NCAPG2: variants seen among roughly 807,000 people sequenced by gnomAD.
The protein encoded by NCAPG2 is condensin-2 complex subunit G2.
In NCAPG2, 53 loss-of-function variants were observed where a neutral mutation model predicts 141.1. That is an observed-to-expected ratio of 0.38 (90% confidence interval 0.30 to 0.47). The LOEUF (loss-of-function observed/expected upper bound fraction) is 0.47. NCAPG2 is among the 20% of genes least tolerant of loss of function. The pLI is 0.99. For missense variants in NCAPG2, 1,087 were observed against 1,389.0 expected (o/e 0.78, Z 3.46); for synonymous variants, 499 against 490.7 (o/e 1.02, Z -0.22).
chr7:158,635,292 A>G lies in NCAPG2; in HGVS notation c.3381-3575T>C, dbSNP rs114746691. ...AAAAAGACTGTTAAAATTAAAGCAG[A>G]ATAAAATGAATTGATATTCATTTAT... On this transcript the variant is annotated intron_variant, in intron 27 of 27. Transcript: ENST00000356309. Among the ~76,000 whole-genome samples, 915 of 152,360 alleles carry G rather than the reference A, an allele frequency of 6.0e-3. 9 individuals carry two copies. Among genetic ancestry groups the G allele is most frequent in the African/African-American group, 0.016 (676 of 41,592 alleles).
At chr7:158,687,254 TA>T in intron 7 of NCAPG2, 93 bp downstream of exon 7, 1 of 766,488 alleles carries the variant, frequency 1.3e-6, no homozygotes, top group Non-Finnish European at 2.1e-6. Context: ...CTAAAGCTTC[TA>T]ATCCATTACT....
At position 158,631,505 on chromosome 7, in the gene NCAPG2, T is replaced by C. The variant is rs1829890948; in HGVS notation, c.*161A>G. The C allele has an allele frequency of 4.2e-6, 3 of 722,064 alleles. No homozygotes were observed. The highest frequency in any genetic ancestry group is 7.2e-6 in the Non-Finnish European group (3 of 414,016). The allele number at this position is 722,064 out of a possible 1,614,324, so 44.7% of individuals were successfully genotyped here. ...TAGGCAAAATTGAAGAAGTTTTGAG[T>C]TATCTCCTCCATAACCCCCACCTTC... On this transcript the variant is annotated 3_prime_UTR_variant, in exon 28 of 28. Transcript: ENST00000356309.
At chr7:158,663,444 T>G (rs943755297) in intron 15 of NCAPG2, among the ~76,000 whole-genome samples, 2 of 152,244 alleles carry the variant, frequency 1.3e-5, no homozygotes, top group African/African-American at 4.8e-5. Context: ...ACTGAGGGGC[T>G]GGGCTGGTGG....
In NCAPG2 at chr7:158,633,214, C is replaced by T. The variant is rs955618959; in HGVS notation, c.3381-1497G>A. Among the ~76,000 whole-genome samples the T allele has an allele frequency of 5.9e-5, 9 of 152,176 alleles. No homozygotes were observed. The highest frequency in any genetic ancestry group is 1.3e-4 in the Non-Finnish European group (9 of 68,024). ...CTCGGGCCTTTTCCCCCAAGTCTAT[C>T]CCCACCCTCGTGACCTCTCCTCGTG... On this transcript the variant is annotated intron_variant, in intron 27 of 27. Coordinates refer to ENST00000356309, the MANE Select transcript of NCAPG2 (RefSeq NM_017760.7). The surrounding 1 kb of genome is among the most constrained non-coding windows in gnomAD (Gnocchi z 4.1).
chr7:158,676,427 CTTAG>C (rs1332586459), intron 11 of NCAPG2, among the ~76,000 whole-genome samples: 5 of 152,124 alleles, frequency 3.3e-5, no homozygotes, highest in Non-Finnish European at 5.9e-5. Context: ...GCACATGGGC[CTTAG>C]TTAGAGAAAC....
rs1320879841 is a variant in NCAPG2, at chr7:158,653,390, T to A, written c.2747-910A>T. ...AAAAAAAAAAAAATAAAAAAAAAAA[T>A]AATAATAATAATTAAACAAAAAAGC... On this transcript the variant is annotated intron_variant, in intron 22 of 27. Transcript: ENST00000356309. Among the ~76,000 whole-genome samples the A allele has an allele frequency of 5.8e-3, 860 of 147,372 alleles. 10 individuals are homozygous for A. The highest frequency in any genetic ancestry group is 0.015 in the African/African-American group (617 of 39,906).
At chr7:158,670,282 T>C (rs1273407560) in intron 13 of NCAPG2, among the ~76,000 whole-genome samples, 2 of 152,142 alleles carry the variant, frequency 1.3e-5, no homozygotes, top group South Asian at 2.1e-4. Context: ...ATCCCCATCA[T>C]TGGCTGGGCA....
chr7:158,701,737 T>C lies in NCAPG2; in HGVS notation c.78+85A>G. ...CGCTAAGGATTCACTGAGATAACTA[T>C]GTTTCTTTTGGGGACATAATGACTT... On this transcript the variant is annotated intron_variant, in intron 2 of 27. Coordinates refer to ENST00000356309, the MANE Select transcript of NCAPG2 (RefSeq NM_017760.7). 6 of 1,221,424 alleles carry C rather than the reference T, an allele frequency of 4.9e-6. No individual in the cohort carries two copies. In the South Asian group the frequency reaches 6.5e-5, roughly 13 times the overall value. The allele number at this position is 1,221,424 out of a possible 1,614,324, so 75.7% of individuals were successfully genotyped here.
intron 4 of NCAPG2, among the ~76,000 whole-genome samples, chr7:158,692,021 T>C (rs1326565952): frequency 6.6e-6 from 1 of 152,180 alleles, no homozygotes; most frequent in Non-Finnish European, 1.5e-5. Flanking sequence ...TTAAACTAAT[T>C]AGGCCAGACA....
chr7:158,677,338 GGGAAGTCCTCCT>G (rs1834121802), intron 11 of NCAPG2, among the ~76,000 whole-genome samples: 2 of 151,882 alleles, frequency 1.3e-5, no homozygotes, highest in East Asian at 3.9e-4. Context: ...CAGAAACTAA[GGGAAGTCCTCCT>G]GCTGTTGCAC....
At chr7:158,661,108 A>T (rs1832466319) in intron 16 of NCAPG2, among the ~76,000 whole-genome samples, 1 of 152,210 alleles carries the variant, frequency 6.6e-6, no homozygotes, top group South Asian at 2.1e-4. Flanking sequence ...AATTTTGGCA[A>T]CTAATACAAT....
At position 158,666,453 on chromosome 7, in the gene NCAPG2, G is replaced by A. The variant is rs527591565; in HGVS notation, c.1480-1703C>T. ...CCAAGTGCCTGAGCCACTATTTACT[G>A]TATTTTTGAAACCACCCCCAGCATA... On this transcript the variant is annotated intron_variant, in intron 13 of 27. Transcript: ENST00000356309. Among the ~76,000 whole-genome samples, 31 of 152,110 alleles carry A rather than the reference G, an allele frequency of 2.0e-4. 2 individuals carry two copies. In the South Asian group the frequency reaches 5.4e-3, roughly 26 times the overall value.
chr7:158,643,665 T>G (rs573107630), intron 27 of NCAPG2, among the ~76,000 whole-genome samples: 1 of 152,380 alleles, frequency 6.6e-6, no homozygotes, highest in South Asian at 2.1e-4. Flanking sequence ...AATTTCCTAG[T>G]GCAGAGCTTT....
At chr7:158,702,659 C>T (rs1563589480) in intron 1 of NCAPG2, among the ~76,000 whole-genome samples, 1 of 152,052 alleles carries the variant, frequency 6.6e-6, no homozygotes, top group Non-Finnish European at 1.5e-5. Context: ...GTAGGAGCCC[C>T]CTCACTTTAA....
At chr7:158,661,999 C>G (rs934034153) in intron 16 of NCAPG2, among the ~76,000 whole-genome samples, 195 bp downstream of exon 16, 5 of 152,000 alleles carry the variant, frequency 3.3e-5, no homozygotes, top group Admixed American at 1.3e-4. Flanking sequence ...TGGAAGCAGA[C>G]AGAGACACAA....
Position 158,646,517 on chromosome 7 carries a change from A to G in NCAPG2, c.3122T>C (p.Leu1041Pro), listed in dbSNP as rs1187487061. ...ELTPPEHLSDLPPFSRCLIGI... is the reference protein window; with the variant it reads ...ELTPPEHLSDPPPFSRCLIGI... The stretch of plus-strand genomic sequence containing the variant: ...TATTAAACACCTTGAAAATGGTGGA[A>G]GATCAGAAAGATGCTCTGGAGGGGT... Residue 1041 changes from leucine to proline, a missense_variant, in exon 25 of 28, where the codon CTT (leucine) becomes CCT (proline). By Grantham distance (98) the Leu-to-Pro change is moderately conservative (BLOSUM62 -3). Transcript: ENST00000356309. The G allele has an allele frequency of 6.3e-7, 1 of 1,583,078 alleles. No homozygotes were observed. Among genetic ancestry groups the G allele is most frequent in the Non-Finnish European group, 8.5e-7 (1 of 1,172,122 alleles).
chr7:158,663,319 G>A lies in NCAPG2; in HGVS notation c.1815+865C>T, dbSNP rs138622922. Among the ~76,000 whole-genome samples, 38 of 152,382 alleles carry A rather than the reference G, an allele frequency of 2.5e-4. No homozygotes were observed. The East Asian group carries it at 6.9e-3, about 28-fold the overall frequency. On this transcript the variant is annotated intron_variant, in intron 15 of 27. Transcript: ENST00000356309. ...AGCCCAGGGAGGTGGCCTGCCCAAC[G>A]GCTGTGAAGACGGAAGTGGCTCTCA...
rs1444746908 is a variant in NCAPG2, at chr7:158,690,664, C to T, written c.441G>A (p.Leu147=). Residue 147 remains leucine (L), a synonymous_variant, in exon 5 of 28, where the codon TTG becomes TTA. Transcript: ENST00000356309. ...ERKLQSSIQD[L]CVTWWEKGLP... ...GGCCTTTCTCCCACCAGGTAACACA[C>T]AAATCCTGAATAGAACTCTGTAGTT... 4 of 1,614,094 alleles carry T rather than the reference C, an allele frequency of 2.5e-6. No homozygotes were observed. Among genetic ancestry groups the T allele is most frequent in the Non-Finnish European group, 3.4e-6 (4 of 1,179,932 alleles).
chr7:158,660,758 T>C (rs1400794341), intron 16 of NCAPG2, among the ~76,000 whole-genome samples: 1 of 152,148 alleles, frequency 6.6e-6, no homozygotes, highest in Non-Finnish European at 1.5e-5. Context: ...TTTGGCTGTG[T>C]CCCCACCCAA....
Sources: gnomAD v4.1 joint callset for allele counts (sites outside exome capture counted in the v4.1 genomes callset) on GRCh38, gnomAD v4.1.1 for gene constraint, Gnocchi (gnomAD v3.1) non-coding constraint, MANE v1.5 for transcripts, NCBI Gene and HGNC (gene_info 2026-07-23, HGNC 2026-07-21) for gene names.